The following SRRM1 variants were observed in gnomAD, a reference collection of about 807,000 sequenced individuals.
The protein encoded by SRRM1 is serine and arginine repetitive matrix 1, also known as serine/arginine repetitive matrix protein 1.
SRRM1 carries 19 observed loss-of-function variants against 110.2 expected under a neutral mutation model. The observed-to-expected ratio is 0.17, with a 90% CI of 0.12 to 0.25. SRRM1 has a LOEUF of 0.25. SRRM1 is among the 10% of genes least tolerant of loss of function. The pLI, the probability that SRRM1 is intolerant of heterozygous loss-of-function variation, is 1.00. For missense variants in SRRM1, 918 were observed against 1,145.8 expected (o/e 0.80, Z 2.87); for synonymous variants, 443 against 414.9 (o/e 1.07, Z -0.82).
intron 9 of SRRM1, among the ~76,000 whole-genome samples, chr1:24,656,649 G>T (rs1049122861): frequency 6.6e-6 from 1 of 151,986 alleles, no homozygotes; most frequent in African/African-American, 2.4e-5. Context: ...TTTATTCTTT[G>T]TCTGGAGCCA....
chr1:24,662,660 A>C lies in SRRM1; in HGVS notation c.1484A>C (p.Asp495Ala). 1 of 1,613,036 alleles carries C rather than the reference A, an allele frequency of 6.2e-7. No individual in the cohort carries two copies. The highest frequency in any genetic ancestry group is 8.5e-7 in the Non-Finnish European group (1 of 1,179,686). Residue 495 changes from aspartate to alanine, a missense_variant and splice_region_variant, in exon 12 of 17, where the codon GAC (aspartate) becomes GCC (alanine). This residue lies in a region of SRRM1 where 357 missense variants were observed against 402.9 expected (regional missense o/e 0.89). Coordinates refer to ENST00000323848, the MANE Select transcript of SRRM1 (RefSeq NM_005839.4). Reference protein sequence around the residue: ...YRRQNQQSSSDSGSSSSSEDE... With the variant: ...YRRQNQQSSSASGSSSSSEDE... ...TATTTTTTTAATTTTGTAATTATAGACTCTGGCTCCTCCTCCTCCTCAGAA... is the reference window on the plus strand; with the variant it reads ...TATTTTTTTAATTTTGTAATTATAGCCTCTGGCTCCTCCTCCTCCTCAGAA...
intron 12 of SRRM1, among the ~76,000 whole-genome samples, chr1:24,664,683 G>GTATT (rs1204717440): frequency 3.9e-5 from 6 of 152,154 alleles, no homozygotes; most frequent in Non-Finnish European, 7.3e-5. Flanking sequence ...AAAGCACGGG[G>GTATT]TATTTACACT....
intron 9 of SRRM1, 46 bp downstream of exon 9, chr1:24,655,175 A>G (rs1164240658): frequency 1.3e-6 from 2 of 1,597,582 alleles, no homozygotes; most frequent in Non-Finnish European, 1.7e-6. Context: ...TTCTTTGGCT[A>G]CAAAGCGTAG....
chr1:24,646,551 C>A, intron 2 of SRRM1, 116 bp from the exon 3 acceptor site: 21 of 782,608 alleles, frequency 2.7e-5, no homozygotes, highest in Non-Finnish European at 3.5e-5. Context: ...TTAGCAGATT[C>A]TACTATGCCA....
rs200974229 is a variant in SRRM1 at position 24,659,194 on chromosome 1, CA to C, written c.1316-1512del. On this transcript the variant is annotated intron_variant, in intron 9 of 16. Coordinates refer to ENST00000323848, the MANE Select transcript of SRRM1 (RefSeq NM_005839.4). ...AGGCAACAAGAGCGAAACTCTGTCT[CA>C]AAAAAAAAAAAAGAGAGAGAAAGGG... Among the ~76,000 whole-genome samples the C allele has an allele frequency of 5.5e-3, 713 of 129,654 alleles. 2 individuals carry two copies. Among genetic ancestry groups the C allele is most frequent in the African/African-American group, 0.013 (469 of 35,204 alleles). The allele number at this position is 129,654 out of a possible 152,430, so 85.1% of individuals were successfully genotyped here. A position where few individuals can be genotyped will look rare whatever the true frequency, so the allele number is the denominator to read the frequency against.
At chr1:24,659,118 C>T (rs1207960622) in intron 9 of SRRM1, among the ~76,000 whole-genome samples, 1 of 151,686 alleles carries the variant, frequency 6.6e-6, no homozygotes, top group African/African-American at 2.4e-5. Flanking sequence ...CCCTTGAACC[C>T]GGGAGGCGGA....
intron 12 of SRRM1, among the ~76,000 whole-genome samples, chr1:24,663,610 C>T (rs2148632009): frequency 6.6e-6 from 1 of 151,750 alleles, no homozygotes; most frequent in South Asian, 2.1e-4. Context: ...TTAGGGAGGG[C>T]AAGGAAAAAC....
chr1:24,667,059 A>G (rs183596929), intron 13 of SRRM1, 134 bp downstream of exon 13: 15 of 596,726 alleles, frequency 2.5e-5, no homozygotes, highest in East Asian at 9.2e-5. Flanking sequence ...TGAAAACCCA[A>G]TCATCATGCT....
At position 24,650,698 on chromosome 1, in the gene SRRM1, G is replaced by A. The variant is rs544660258; in HGVS notation, c.521+612G>A. On this transcript the variant is annotated intron_variant, in intron 5 of 16. Transcript: ENST00000323848. The stretch of plus-strand genomic sequence containing the variant: ...CTTTCATAAATGTCTGCTGGAATTA[G>A]TAAAGAGAAGAGGTAATTTCTTTGT... The A allele has an allele frequency of 4.6e-5, 7 of 152,262 alleles. No homozygotes were observed. In the East Asian group the frequency reaches 1.3e-3, roughly 29 times the overall value. The allele number at this position is 152,262 out of a possible 1,614,324, so 9.4% of individuals were successfully genotyped here.
intron 12 of SRRM1, among the ~76,000 whole-genome samples, chr1:24,665,589 T>C (rs1462490674): frequency 6.6e-6 from 1 of 152,052 alleles, no homozygotes; most frequent in Non-Finnish European, 1.5e-5. Flanking sequence ...GGCGGGCACC[T>C]GTAGTCCCAG....
At chr1:24,668,314 G>A (rs1671075547) in intron 13 of SRRM1, among the ~76,000 whole-genome samples, 1 of 152,122 alleles carries the variant, frequency 6.6e-6, no homozygotes, top group Non-Finnish European at 1.5e-5. Flanking sequence ...AAAGTGCTAG[G>A]TGCTTTATAT....
chr1:24,644,260 C>T (rs371061912), intron 1 of SRRM1, among the ~76,000 whole-genome samples: 2 of 152,196 alleles, frequency 1.3e-5, no homozygotes, highest in East Asian at 1.9e-4. Context: ...TCCCATAGTC[C>T]CCTCCTGTAG....
At chr1:24,658,735 A>G (rs984628482) in intron 9 of SRRM1, among the ~76,000 whole-genome samples, 1 of 152,198 alleles carries the variant, frequency 6.6e-6, no homozygotes, top group Non-Finnish European at 1.5e-5. Flanking sequence ...AAGAGCCTCA[A>G]ATAGTTAACA....
intron 12 of SRRM1, chr1:24,663,226 T>G: frequency 6.6e-7 from 1 of 1,507,554 alleles, no homozygotes; most frequent in Non-Finnish European, 9.0e-7. Context: ...GACTAAAAGG[T>G]TGGTTAGACA....
chr1:24,649,944 T>C, intron 4 of SRRM1, 27 bp from the exon 5 acceptor site: 1 of 1,533,098 alleles, frequency 6.5e-7, no homozygotes, highest in Non-Finnish European at 8.7e-7. Context: ...TTCAACTATG[T>C]GTATTTTGAA....
intron 9 of SRRM1, among the ~76,000 whole-genome samples, chr1:24,656,434 G>A (rs1316256797): frequency 2.0e-5 from 3 of 152,226 alleles, no homozygotes. Context: ...AGCAGCTAGT[G>A]AAAGTAGAGA....
chr1:24,645,125 T>A (rs1054796920), intron 1 of SRRM1, among the ~76,000 whole-genome samples: 2 of 152,236 alleles, frequency 1.3e-5, no homozygotes, highest in Non-Finnish European at 2.9e-5. Flanking sequence ...ATTTCTGGTA[T>A]GTACACAGCA....
At chr1:24,661,426 A>G (rs1169544492) in intron 11 of SRRM1, 30 bp downstream of exon 11, 2 of 1,530,012 alleles carry the variant, frequency 1.3e-6, no homozygotes, top group Non-Finnish European at 1.8e-6. Context: ...TTTTTTTTCT[A>G]CCTGTATTTC....
chr1:24,659,207 A>G (rs1023155692), intron 9 of SRRM1, among the ~76,000 whole-genome samples: 3 of 151,350 alleles, frequency 2.0e-5, no homozygotes, highest in Non-Finnish European at 2.9e-5. Context: ...AAAAAAAAAA[A>G]GAGAGAGAAA....
Sources: allele counts gnomAD v4.1 joint callset (sites outside exome capture counted in the v4.1 genomes callset), GRCh38; gene constraint gnomAD v4.1.1; regional missense constraint gnomAD v4.1.1; transcripts MANE v1.5; gene names NCBI Gene and HGNC (gene_info 2026-07-23, HGNC 2026-07-21).